THSD7B: variants seen among roughly 807,000 people sequenced by gnomAD.
THSD7B encodes the protein thrombospondin type-1 domain-containing protein 7B.
THSD7B carries 138 observed loss-of-function variants against 213.6 expected under a neutral mutation model. The observed-to-expected ratio is 0.65, with a 90% CI of 0.56 to 0.74. The LOEUF (loss-of-function observed/expected upper bound fraction) is 0.74. Among genes scored for constraint, THSD7B ranks in the 30% least tolerant of loss-of-function variants. THSD7B has a pLI of 0.00. For synonymous variants in THSD7B, 742 were observed against 687.0 expected, an observed-to-expected ratio of 1.08 and a Z score of -1.25; for missense variants, 1,931 against 1,991.5, an observed-to-expected ratio of 0.97 and a Z score of 0.58.
At chr2:136,882,382 T>G (rs1683641237) in intron 2 of THSD7B, 65 bp downstream of exon 2, 1 of 1,228,408 alleles carries the variant, frequency 8.1e-7, no homozygotes, top group Non-Finnish European at 1.1e-6. Context: ...CTTTCCATCC[T>G]TCTTCTTCTT....
chr2:136,829,191 A>AG (rs200149863), intron 1 of THSD7B, among the ~76,000 whole-genome samples: 1 of 150,638 alleles, frequency 6.6e-6, no homozygotes, highest in Admixed American at 6.6e-5. Flanking sequence ...AAAAAAAAAA[A>AG]GTCCTCCAGA....
intron 2 of THSD7B, among the ~76,000 whole-genome samples, chr2:136,920,812 A>G (rs947383556): frequency 2.6e-5 from 4 of 152,090 alleles, no homozygotes; most frequent in African/African-American, 9.6e-5. Context: ...TTGGCACCCA[A>G]AGTCCAGAAG....
At chr2:136,945,554 C>T (rs921748485) in intron 2 of THSD7B, among the ~76,000 whole-genome samples, 3 of 152,148 alleles carry the variant, frequency 2.0e-5, no homozygotes, top group African/African-American at 7.2e-5. Flanking sequence ...GGATAATATC[C>T]TGAAGAGTGT....
intron 12 of THSD7B, among the ~76,000 whole-genome samples, chr2:137,334,202 T>TCTCTCTCTCTCTC: frequency 2.1e-5 from 3 of 139,878 alleles, no homozygotes; most frequent in Admixed American, 7.1e-5. Flanking sequence ...CTCTCTCTCT[T>TCTCTCTCTCTCTC]TCTCTCTTTC....
At chr2:137,346,070 T>G (rs943396445) in intron 12 of THSD7B, among the ~76,000 whole-genome samples, 1 of 151,590 alleles carries the variant, frequency 6.6e-6, no homozygotes, top group Non-Finnish European at 1.5e-5. Flanking sequence ...CCTCTTTACT[T>G]TTGTTTCGAG....
chr2:137,010,194 CAT>C (rs1453460258), intron 2 of THSD7B, among the ~76,000 whole-genome samples: 2 of 152,172 alleles, frequency 1.3e-5, no homozygotes, highest in Non-Finnish European at 1.5e-5. Context: ...GATACAGAAT[CAT>C]GTGCAGAAAC....
At chr2:137,676,281 A>G (rs1197821974) in intron 27 of THSD7B, among the ~76,000 whole-genome samples, 2 of 152,132 alleles carry the variant, frequency 1.3e-5, no homozygotes, top group African/African-American at 4.8e-5. Context: ...AAAGGAAAAC[A>G]ACTCTTCTAC....
chr2:137,108,048 T>C (rs1195621557), intron 4 of THSD7B, among the ~76,000 whole-genome samples: 1 of 152,234 alleles, frequency 6.6e-6, no homozygotes, highest in Non-Finnish European at 1.5e-5. Context: ...TGATTTTTAA[T>C]ATACACATGC....
intron 12 of THSD7B, among the ~76,000 whole-genome samples, chr2:137,289,716 G>A (rs1183656678): frequency 6.6e-6 from 1 of 151,644 alleles, no homozygotes; most frequent in African/African-American, 2.4e-5. Flanking sequence ...ATTTGCCAAA[G>A]AAAACCAAGA....
At chr2:137,367,351 A>G (rs1444121694) in intron 12 of THSD7B, among the ~76,000 whole-genome samples, 3 of 152,158 alleles carry the variant, frequency 2.0e-5, no homozygotes, top group African/African-American at 7.2e-5. Context: ...AATCAGAGTC[A>G]CAGGCATGAA....
intron 2 of THSD7B, among the ~76,000 whole-genome samples, chr2:136,998,792 C>A (rs1230220735): frequency 6.6e-6 from 1 of 152,028 alleles, no homozygotes; most frequent in African/African-American, 2.4e-5. Context: ...AAAGTTGTTT[C>A]AAGAGGCAGA....
chr2:136,957,677 A>G (rs962411337), intron 2 of THSD7B, among the ~76,000 whole-genome samples: 6 of 152,182 alleles, frequency 3.9e-5, no homozygotes, highest in African/African-American at 9.7e-5. Context: ...TACTTCATGT[A>G]GTATTATATT....
At chr2:137,673,341 G>A (rs939847604) in intron 27 of THSD7B, among the ~76,000 whole-genome samples, 11 of 152,182 alleles carry the variant, frequency 7.2e-5, no homozygotes, top group Non-Finnish European at 1.6e-4. Flanking sequence ...CTCTAAAAGT[G>A]GCTATGGCTG....
At chr2:137,150,306 A>G (rs1222083745) in intron 5 of THSD7B, among the ~76,000 whole-genome samples, 1 of 151,528 alleles carries the variant, frequency 6.6e-6, no homozygotes, top group South Asian at 2.1e-4. Context: ...GGGAGGGGCC[A>G]GGGGCAGAAT....
intron 1 of THSD7B, among the ~76,000 whole-genome samples, chr2:136,792,352 T>C (rs780120193): frequency 1.3e-4 from 20 of 151,724 alleles, no homozygotes; most frequent in Non-Finnish European, 2.5e-4. Flanking sequence ...TTGCCAGGAG[T>C]TCTGGGGGAG....
rs72983523 is a variant in THSD7B at position 136,961,946 on chromosome 2, A to T, written c.139+79629A>T. Among the ~76,000 whole-genome samples the T allele has an allele frequency of 8.7e-3, 1,320 of 152,304 alleles. 28 individuals are homozygous for T. Among genetic ancestry groups the T allele is most frequent in the African/African-American group, 0.031 (1,278 of 41,574 alleles). ...AGATGCCCATGTCCTAATGCCCAGGATGTATGAGTATGCTAGTTTCCATGG... is the reference window on the plus strand; with the variant it reads ...AGATGCCCATGTCCTAATGCCCAGGTTGTATGAGTATGCTAGTTTCCATGG... On this transcript the variant is annotated intron_variant, in intron 2 of 27. Coordinates refer to ENST00000409968, the MANE Select transcript of THSD7B (RefSeq NM_001316349.2).
intron 12 of THSD7B, among the ~76,000 whole-genome samples, chr2:137,322,905 C>T (rs1341714028): frequency 6.6e-6 from 1 of 152,170 alleles, no homozygotes; most frequent in African/African-American, 2.4e-5. Flanking sequence ...AGGATATTAT[C>T]TCTGTCATAA....
intron 1 of THSD7B, among the ~76,000 whole-genome samples, chr2:136,853,150 G>GCC (rs1309051001): frequency 8.6e-5 from 13 of 151,916 alleles, no homozygotes; most frequent in African/African-American, 3.1e-4. Flanking sequence ...CCACTGTACA[G>GCC]CCCTCTGTTC....
intron 2 of THSD7B, among the ~76,000 whole-genome samples, chr2:137,015,824 T>C (rs905652990): frequency 6.6e-6 from 1 of 152,164 alleles, no homozygotes; most frequent in Non-Finnish European, 1.5e-5. Flanking sequence ...CTCTCAGAAG[T>C]GGACTTTGAT....
Sources: allele counts gnomAD v4.1 joint callset (sites outside exome capture counted in the v4.1 genomes callset), GRCh38; gene constraint gnomAD v4.1.1; transcripts MANE v1.5; gene names NCBI Gene and HGNC (gene_info 2026-07-23, HGNC 2026-07-21).